The following MICAL2 variants were observed in gnomAD, a reference collection of about 807,000 sequenced individuals.
MICAL2 encodes the protein [F-actin]-monooxygenase MICAL2.
A neutral mutation model predicts 127.3 loss-of-function variants in MICAL2; 77 were observed. That is an observed-to-expected ratio of 0.60 (90% CI 0.50 to 0.73). The LOEUF is 0.73. Among genes scored for constraint, MICAL2 ranks in the 30% least tolerant of loss-of-function variants. MICAL2 has a pLI of 0.00. For missense variants in MICAL2, 1,351 were observed against 1,434.4 expected, an observed-to-expected ratio of 0.94 and a Z score of 0.94; for synonymous variants, 570 against 551.1, an observed-to-expected ratio of 1.03 and a Z score of -0.48.
At chr11:12,138,127 T>G (rs1028447176) in intron 1 of MICAL2, among the ~76,000 whole-genome samples, 4 of 152,214 alleles carry the variant, frequency 2.6e-5, no homozygotes, top group Non-Finnish European at 4.4e-5. Flanking sequence ...CAGCAAAGTC[T>G]TTGTGTAGAG....
intron 24 of MICAL2, among the ~76,000 whole-genome samples, chr11:12,270,923 C>T (rs1863667378): frequency 6.6e-6 from 1 of 152,190 alleles, no homozygotes. Flanking sequence ...GCAGCAATTT[C>T]ACCCGCAGAA....
At chr11:12,199,070 G>T (rs1307019271) in intron 3 of MICAL2, among the ~76,000 whole-genome samples, 1 of 152,136 alleles carries the variant, frequency 6.6e-6, no homozygotes, top group Non-Finnish European at 1.5e-5. Context: ...TAGACCAATA[G>T]TACCTGGGTT....
chr11:12,211,427 A>C (rs768427894), intron 6 of MICAL2, among the ~76,000 whole-genome samples: 2 of 152,200 alleles, frequency 1.3e-5, no homozygotes. Context: ...TTGTCACTAA[A>C]AGGGATTTTT....
chr11:12,247,808 G>A (rs1025369101), intron 21 of MICAL2, among the ~76,000 whole-genome samples: 3 of 152,228 alleles, frequency 2.0e-5, no homozygotes, highest in South Asian at 4.1e-4. Flanking sequence ...CTATCCTGGT[G>A]CAGCTCAGGG....
At chr11:12,354,872 G>A (rs1939107874) in intron 34 of MICAL2, 10 of 1,611,844 alleles carry the variant, frequency 6.2e-6, no homozygotes, top group African/African-American at 1.3e-5. Flanking sequence ...GTATGCTTGG[G>A]CCTTTGTTGA....
intron 32 of MICAL2, among the ~76,000 whole-genome samples, chr11:12,329,878 A>AG (rs944821766): frequency 6.6e-5 from 8 of 120,580 alleles, no homozygotes; most frequent in African/African-American, 1.4e-4. Flanking sequence ...AAAAAAAAAA[A>AG]AAAAAGAAAA....
At chr11:12,352,875 A>G (rs1391655391) in intron 33 of MICAL2, among the ~76,000 whole-genome samples, 2 of 152,232 alleles carry the variant, frequency 1.3e-5, no homozygotes, top group Non-Finnish European at 2.9e-5. Flanking sequence ...GCCAATGGGA[A>G]CATCAGTGCA....
At chr11:12,239,291 GC>G in intron 16 of MICAL2, 144 bp from the exon 17 acceptor site, 1 of 1,050,566 alleles carries the variant, frequency 9.5e-7, no homozygotes, top group Non-Finnish European at 1.4e-6. Context: ...TGCGGGGGTG[GC>G]CCTGCTGCCT....
intron 3 of MICAL2, among the ~76,000 whole-genome samples, chr11:12,169,399 T>G (rs563054522): frequency 1.3e-5 from 2 of 152,060 alleles, no homozygotes; most frequent in African/African-American, 2.4e-5. Flanking sequence ...TATTTATTTA[T>G]TTTTGAGATG....
At chr11:12,309,678 G>A (rs533135444) in intron 29 of MICAL2, among the ~76,000 whole-genome samples, 11 of 151,972 alleles carry the variant, frequency 7.2e-5, no homozygotes, top group East Asian at 5.8e-4. Context: ...CTTTCTTTGC[G>A]TTATATACTC....
upstream of MICAL2, among the ~76,000 whole-genome samples, chr11:12,272,999 C>A (rs994540328): frequency 1.3e-5 from 2 of 152,200 alleles, no homozygotes; most frequent in Non-Finnish European, 1.5e-5. Flanking sequence ...GGAAGGACTG[C>A]AAAGTCACAG....
chr11:12,133,636 A>G (rs910616617), intron 1 of MICAL2, among the ~76,000 whole-genome samples: 2 of 152,086 alleles, frequency 1.3e-5, no homozygotes, highest in African/African-American at 4.8e-5. Context: ...AAAAAAAAGT[A>G]AAACAAAAAA....
At chr11:12,151,140 G>A (rs1853535231) in intron 2 of MICAL2, among the ~76,000 whole-genome samples, 1 of 152,118 alleles carries the variant, frequency 6.6e-6, no homozygotes, top group African/African-American at 2.4e-5. Flanking sequence ...CTGAAACCAA[G>A]GAAATGAACT....
At chr11:12,181,415 C>T (rs189370129) in intron 3 of MICAL2, among the ~76,000 whole-genome samples, 325 of 152,266 alleles carry the variant, frequency 2.1e-3, no homozygotes, top group Middle Eastern at 0.02. Flanking sequence ...TTTCAATTTG[C>T]GGTTAAGGAT....
chr11:12,231,814 C>G (rs1312714139), intron 15 of MICAL2, among the ~76,000 whole-genome samples: 1 of 152,192 alleles, frequency 6.6e-6, no homozygotes, highest in East Asian at 1.9e-4. Flanking sequence ...GCACAGGGCC[C>G]TGGAGTATCC....
intron 32 of MICAL2, among the ~76,000 whole-genome samples, chr11:12,344,248 A>C (rs908760902): frequency 1.3e-5 from 2 of 152,158 alleles, no homozygotes; most frequent in Non-Finnish European, 1.5e-5. Context: ...GTGAGCTGAG[A>C]TCATGCTACT....
At chr11:12,211,538 C>T (rs543564097) in intron 6 of MICAL2, among the ~76,000 whole-genome samples, 2 of 152,320 alleles carry the variant, frequency 1.3e-5, no homozygotes, top group East Asian at 1.9e-4. Context: ...TGGAGGTCTG[C>T]ACCTGTGTGA....
intron 32 of MICAL2, among the ~76,000 whole-genome samples, chr11:12,347,982 C>T (rs1168234823): frequency 6.6e-6 from 1 of 151,882 alleles, no homozygotes; most frequent in Non-Finnish European, 1.5e-5. Context: ...GGTGAAACCC[C>T]ATCTCTACTA....
intron 7 of MICAL2, among the ~76,000 whole-genome samples, chr11:12,214,876 A>G (rs1248356536): frequency 6.6e-6 from 1 of 152,148 alleles, no homozygotes; most frequent in Non-Finnish European, 1.5e-5. Context: ...TAGGCCTTCC[A>G]GTTATTTACT....
Sources: gnomAD v4.1 joint callset for allele counts (sites outside exome capture counted in the v4.1 genomes callset) on GRCh38, gnomAD v4.1.1 for gene constraint, MANE v1.5 for transcripts, NCBI Gene and HGNC (gene_info 2026-07-23, HGNC 2026-07-21) for gene names.